Variants in DPP6 observed in about 807,000 individuals in gnomAD.
DPP6 encodes dipeptidyl peptidase like 6.
Under a neutral mutation model 122.6 loss-of-function variants are expected in DPP6, and 69 were observed. The ratio of observed to expected loss-of-function variants is 0.56; its 90% confidence interval spans 0.46 to 0.69. The LOEUF is 0.69. Ranked by LOEUF, DPP6 falls within the 30% of genes least tolerant of loss-of-function variation. The probability of loss-of-function intolerance (pLI) is 0.00; values close to 1 mark genes in which losing one functional copy is unlikely to be tolerated. For synonymous variants in DPP6, 418 were observed against 433.1 expected, an observed-to-expected ratio of 0.97 and a Z score of 0.43; for missense variants, 928 against 1,116.9, an observed-to-expected ratio of 0.83 and a Z score of 2.41.
chr7:154,850,938 T>C (rs538065109), intron 16 of DPP6, among the ~76,000 whole-genome samples: 1 of 152,354 alleles, frequency 6.6e-6, no homozygotes, highest in East Asian at 1.9e-4. Flanking sequence ...AATGTTAAGA[T>C]TTTGTAAAGC....
At chr7:154,753,400 G>A (rs1187295819) in intron 8 of DPP6, among the ~76,000 whole-genome samples, 1 of 152,168 alleles carries the variant, frequency 6.6e-6, no homozygotes, top group East Asian at 1.9e-4. Flanking sequence ...CCGATTTGCA[G>A]GGGCACCTGC....
At chr7:154,564,851 G>C (rs1042425387) in intron 4 of DPP6, among the ~76,000 whole-genome samples, 1 of 152,190 alleles carries the variant, frequency 6.6e-6, no homozygotes, top group Non-Finnish European at 1.5e-5. Flanking sequence ...AACTGCAGCA[G>C]AACAAAGCAC....
chr7:153,952,128 G>A (rs542423750), intron 1 of DPP6, among the ~76,000 whole-genome samples: 4 of 152,220 alleles, frequency 2.6e-5, no homozygotes, highest in East Asian at 1.9e-4. Context: ...GTTTGTCCTC[G>A]TGGGTTGTGG....
chr7:154,739,312 A>G (rs1842711676), intron 8 of DPP6, among the ~76,000 whole-genome samples: 1 of 152,196 alleles, frequency 6.6e-6, no homozygotes. Flanking sequence ...TTGGTGCCCA[A>G]AGCAGAAGAG....
At chr7:154,674,682 T>TG (rs1838778185) in intron 7 of DPP6, among the ~76,000 whole-genome samples, 1 of 152,112 alleles carries the variant, frequency 6.6e-6, no homozygotes, top group Admixed American at 6.6e-5. Context: ...ATGAGTCCAT[T>TG]GGGAAGTCTT....
chr7:154,054,896 T>C (rs1800682703), intron 1 of DPP6, among the ~76,000 whole-genome samples: 1 of 151,478 alleles, frequency 6.6e-6, no homozygotes, highest in Non-Finnish European at 1.5e-5. Flanking sequence ...GAATTTTATT[T>C]CAGATGATCT....
intron 1 of DPP6, among the ~76,000 whole-genome samples, chr7:154,398,081 C>T (rs1279030238): frequency 6.6e-6 from 1 of 152,174 alleles, no homozygotes; most frequent in Non-Finnish European, 1.5e-5. Context: ...AGAATCAGAG[C>T]ACCAACCCTA....
chr7:153,928,493 C>T lies in DPP6; in HGVS notation c.51+40759C>T, dbSNP rs540700442. ...CCAACCTCAGGTGATCTGCCCACCT[C>T]AGCCTCCCAAAGCACTGGCATTACA... On this transcript the variant is annotated intron_variant, in intron 1 of 25. Transcript: ENST00000404039. Among the ~76,000 whole-genome samples, 5 of 147,072 alleles carry T rather than the reference C, an allele frequency of 3.4e-5. No homozygotes were observed. The Admixed American group carries it at 3.5e-4, about 10-fold the overall frequency.
chr7:154,662,677 T>C (rs1310685821), intron 6 of DPP6, among the ~76,000 whole-genome samples: 1 of 123,958 alleles, frequency 8.1e-6, no homozygotes, highest in Non-Finnish European at 1.7e-5. Context: ...TGAATCACCA[T>C]GGCGTATTGG....
chr7:154,648,645 C>T (rs1269008667), intron 6 of DPP6, among the ~76,000 whole-genome samples: 2 of 152,080 alleles, frequency 1.3e-5, no homozygotes, highest in Admixed American at 6.6e-5. Context: ...TTCGGCCGGG[C>T]GTGGTGGCTC....
intron 1 of DPP6, among the ~76,000 whole-genome samples, chr7:153,903,126 G>A (rs147269481): frequency 3.3e-5 from 5 of 152,228 alleles, no homozygotes; most frequent in South Asian, 4.2e-4. Flanking sequence ...CAAGGACACC[G>A]GTGCTTGATG....
At chr7:154,464,445 C>CT (rs1159318372) in intron 2 of DPP6, among the ~76,000 whole-genome samples, 9 of 152,212 alleles carry the variant, frequency 5.9e-5, no homozygotes, top group Non-Finnish European at 1.0e-4. Flanking sequence ...TTACGAGCTG[C>CT]TTTTTCCTGT....
chr7:154,818,059 A>T (rs1799531535), intron 16 of DPP6, among the ~76,000 whole-genome samples: 1 of 152,200 alleles, frequency 6.6e-6, no homozygotes, highest in Non-Finnish European at 1.5e-5. Flanking sequence ...GATTTATCCT[A>T]AAACTCACCT....
intron 1 of DPP6, among the ~76,000 whole-genome samples, chr7:154,032,027 A>ATTTTTT (rs59221022): frequency 2.4e-5 from 3 of 127,200 alleles, no homozygotes; most frequent in Non-Finnish European, 1.7e-5. Context: ...ACACCCGCCT[A>ATTTTTT]TTTTTTTTTT....
intron 1 of DPP6, among the ~76,000 whole-genome samples, chr7:153,996,355 T>A (rs752375481): frequency 3.9e-5 from 6 of 152,224 alleles, no homozygotes; most frequent in Non-Finnish European, 8.8e-5. Flanking sequence ...CAGTTCCTCC[T>A]GTCTTAGAAA....
At chr7:154,476,828 C>T (rs950358875) in intron 3 of DPP6, among the ~76,000 whole-genome samples, 20 of 152,176 alleles carry the variant, frequency 1.3e-4, no homozygotes, top group Admixed American at 9.8e-4. Flanking sequence ...CACAGTGGCT[C>T]ACACCTGTAT....
intron 1 of DPP6, among the ~76,000 whole-genome samples, chr7:154,151,398 C>T (rs535691688): frequency 3.3e-5 from 5 of 152,336 alleles, no homozygotes; most frequent in Non-Finnish European, 7.3e-5. Context: ...TCACTGCATT[C>T]CTGTGCTTGT....
the DPP6 span, among the ~76,000 whole-genome samples, chr7:153,818,384 T>G: frequency 1.3e-5 from 2 of 151,924 alleles, no homozygotes; most frequent in Admixed American, 1.3e-4. Context: ...TTAAAACATA[T>G]ATAAAAGAAT....
intron 7 of DPP6, among the ~76,000 whole-genome samples, chr7:154,712,631 C>G (rs1422761415): frequency 6.6e-6 from 1 of 152,140 alleles, no homozygotes; most frequent in Non-Finnish European, 1.5e-5. Flanking sequence ...AGAATGAATG[C>G]CCAGCAAAGG....
Sources: allele counts gnomAD v4.1 joint callset (sites outside exome capture counted in the v4.1 genomes callset), GRCh38; gene constraint gnomAD v4.1.1; transcripts MANE v1.5; gene names NCBI Gene and HGNC (gene_info 2026-07-23, HGNC 2026-07-21).